ASXL3: variants seen among roughly 807,000 people sequenced by gnomAD.
The protein encoded by ASXL3 is ASXL transcriptional regulator 3.
ASXL3 carries 34 observed loss-of-function variants against 170.6 expected under a neutral mutation model. The observed-to-expected ratio is 0.20, with a 90% confidence interval of 0.15 to 0.27. ASXL3 has a LOEUF of 0.27. ASXL3 is among the 10% of genes least tolerant of loss of function. The pLI, the probability that ASXL3 is intolerant of heterozygous loss-of-function variation, is 1.00. For missense variants in ASXL3, 2,592 were observed against 2,695.3 expected, an observed-to-expected ratio of 0.96 and a Z score of 0.85; for synonymous variants, 1,002 against 989.1, an observed-to-expected ratio of 1.01 and a Z score of -0.24.
chr18:33,613,690 A>G (rs1024229941), intron 2 of ASXL3, among the ~76,000 whole-genome samples: 1 of 152,090 alleles, frequency 6.6e-6, no homozygotes, highest in African/African-American at 2.4e-5. Flanking sequence ...AGGCCAAGGA[A>G]AGAGGATTAC....
intron 8 of ASXL3, among the ~76,000 whole-genome samples, chr18:33,731,178 GA>G (rs1237155596): frequency 6.6e-6 from 1 of 150,950 alleles, no homozygotes; most frequent in African/African-American, 2.4e-5. Flanking sequence ...TTCAATAGGT[GA>G]AAATGGAGTG....
intron 1 of ASXL3, among the ~76,000 whole-genome samples, chr18:33,589,806 A>G (rs1395549011): frequency 6.6e-6 from 1 of 152,188 alleles, no homozygotes; most frequent in African/African-American, 2.4e-5. Flanking sequence ...AAAAATAGCA[A>G]TAAGAACTAA....
intron 8 of ASXL3, among the ~76,000 whole-genome samples, chr18:33,711,092 A>G (rs545510558): frequency 1.3e-5 from 2 of 152,206 alleles, no homozygotes; most frequent in South Asian, 4.1e-4. Flanking sequence ...CCAGAGTCCA[A>G]TTTTGTCATT....
chr18:33,744,438 C>G lies in ASXL3; in HGVS notation c.4590C>G (p.Asn1530Lys), dbSNP rs200482626. The G allele has an allele frequency of 6.2e-6, 10 of 1,613,574 alleles. No homozygotes were observed. The East Asian group carries it at 8.9e-5, about 14-fold the overall frequency. Residue 1530 changes from asparagine to lysine, a missense_variant, in exon 12 of 12, where the codon AAC (asparagine) becomes AAG (lysine). Around this residue, in one of 4 missense-constraint regions of ASXL3, gnomAD observed 2,246 missense variants for 2,219.6 expected, o/e 1.01. Transcript: ENST00000269197. Reference protein sequence around the residue: ...SVISRPEPVANEGIDHSSTFI... With the variant: ...SVISRPEPVAKEGIDHSSTFI... ...TTAGCAGGCCTGAGCCAGTTGCCAACGAAGGTATAGATCACAGTTCCACTT... is the reference window on the plus strand; with the variant it reads ...TTAGCAGGCCTGAGCCAGTTGCCAAGGAAGGTATAGATCACAGTTCCACTT...
chr18:33,675,847 C>T (rs888845119), intron 7 of ASXL3, among the ~76,000 whole-genome samples: 5 of 151,946 alleles, frequency 3.3e-5, no homozygotes. Flanking sequence ...AGGGTTAAAG[C>T]GCACAATAAA....
chr18:33,746,784 T>G lies in ASXL3; in HGVS notation c.*189T>G. On this transcript the variant is annotated 3_prime_UTR_variant, in exon 12 of 12. Coordinates refer to ENST00000269197, the MANE Select transcript of ASXL3 (RefSeq NM_030632.3). ...GGAGGATGCATCCCAACTGAATGGC[T>G]CACTGGCATGTCTTTTATGTGTTCA... 1 of 908,018 alleles carries G rather than the reference T, an allele frequency of 1.1e-6. No homozygotes were observed. The highest frequency in any genetic ancestry group is 3.3e-5 in the Admixed American group (1 of 30,114). The allele number at this position is 908,018 out of a possible 1,614,324, so 56.2% of individuals were successfully genotyped here.
Position 33,739,361 on chromosome 18 carries a change from G to T in ASXL3, c.1957G>T (p.Val653Leu). The change falls in exon 11 of 12, where the codon GTA becomes TTA. Residue 653 changes from valine (V) to leucine (L), a missense_variant. Val to Leu is a conservative substitution (Grantham distance 32). Coordinates refer to ENST00000269197, the MANE Select transcript of ASXL3 (RefSeq NM_030632.3). Reference protein sequence around the residue: ...ASLETTFCSEVSSTENTDKYN... With the variant: ...ASLETTFCSELSSTENTDKYN... ...CCTTGAGACAACATTTTGTTCTGAG[G>T]TATCTAGCACTGAAAATACAGACAA... 6.2e-7 allele frequency: 1 copy of T among 1,613,632 alleles called. No individual in the cohort carries two copies. The highest frequency in any genetic ancestry group is 8.5e-7 in the Non-Finnish European group (1 of 1,179,716).
chr18:33,693,569 T>G (rs1352137042), intron 8 of ASXL3, among the ~76,000 whole-genome samples: 1 of 152,080 alleles, frequency 6.6e-6, no homozygotes, highest in Non-Finnish European at 1.5e-5. Context: ...GATCAGGGAT[T>G]TCAGGAGAGT....
chr18:33,712,137 A>C (rs558338937), intron 8 of ASXL3, among the ~76,000 whole-genome samples: 1 of 152,154 alleles, frequency 6.6e-6, no homozygotes, highest in South Asian at 2.1e-4. Flanking sequence ...TTTTGCAAAA[A>C]TTCTTTTGTA....
chr18:33,585,038 A>T (rs893235388), intron 1 of ASXL3, among the ~76,000 whole-genome samples: 2 of 151,994 alleles, frequency 1.3e-5, no homozygotes, highest in Non-Finnish European at 1.5e-5. Flanking sequence ...CCTATGTCAT[A>T]CTTATTCCCT....
chr18:33,701,542 G>C (rs1359799342), intron 8 of ASXL3, among the ~76,000 whole-genome samples: 1 of 151,912 alleles, frequency 6.6e-6, no homozygotes, highest in African/African-American at 2.4e-5. Context: ...TGTTCTTTTA[G>C]TGTTATTGTA....
chr18:33,584,215 A>C (rs995045901), intron 1 of ASXL3, among the ~76,000 whole-genome samples: 12 of 152,124 alleles, frequency 7.9e-5, no homozygotes, highest in African/African-American at 2.9e-4. Flanking sequence ...GCAAGAGGAT[A>C]GGTTCAGGGG....
At chr18:33,691,257 G>A (rs1445270057) in intron 8 of ASXL3, among the ~76,000 whole-genome samples, 2 of 152,130 alleles carry the variant, frequency 1.3e-5, no homozygotes, top group Non-Finnish European at 2.9e-5. Context: ...CTCTCTGCCC[G>A]TGGTCTGATA....
At chr18:33,696,781 T>G (rs1207672870) in intron 8 of ASXL3, among the ~76,000 whole-genome samples, 1 of 152,008 alleles carries the variant, frequency 6.6e-6, no homozygotes, top group Non-Finnish European at 1.5e-5. Context: ...TGCTATGGAG[T>G]TGTCCTGTGT....
At chr18:33,617,409 T>C (rs552762850) in intron 2 of ASXL3, among the ~76,000 whole-genome samples, 47 of 152,216 alleles carry the variant, frequency 3.1e-4, no homozygotes, top group Admixed American at 8.5e-4. Flanking sequence ...GAGAATTGCT[T>C]GAACCTGGGA....
At chr18:33,715,286 C>T (rs2067145639) in intron 8 of ASXL3, among the ~76,000 whole-genome samples, 1 of 152,188 alleles carries the variant, frequency 6.6e-6, no homozygotes, top group Non-Finnish European at 1.5e-5. Flanking sequence ...TGTTCATTTA[C>T]CTGCTTCCAA....
intron 7 of ASXL3, 75 bp downstream of exon 7, chr18:33,671,941 C>T: frequency 7.4e-7 from 1 of 1,355,226 alleles, no homozygotes; most frequent in South Asian, 1.6e-5. Context: ...CTAAAATTTT[C>T]AGAACATTTT....
chr18:33,628,285 C>T (rs1392741494), intron 2 of ASXL3, among the ~76,000 whole-genome samples: 4 of 151,914 alleles, frequency 2.6e-5, no homozygotes, highest in African/African-American at 4.8e-5. Flanking sequence ...TCAGTATTTC[C>T]GTCACTGTGG....
intron 2 of ASXL3, among the ~76,000 whole-genome samples, chr18:33,631,738 A>G (rs1294031019): frequency 6.6e-6 from 1 of 152,090 alleles, no homozygotes; most frequent in Admixed American, 6.6e-5. Context: ...CCCCATCCAG[A>G]TATTTTTACT....
Sources: gnomAD v4.1 joint callset for allele counts (sites outside exome capture counted in the v4.1 genomes callset) on GRCh38, gnomAD v4.1.1 for gene constraint, gnomAD v4.1.1 regional missense constraint, MANE v1.5 for transcripts, NCBI Gene and HGNC (gene_info 2026-07-23, HGNC 2026-07-21) for gene names.